Variants in LDAF1 observed in about 807,000 individuals in gnomAD.
LDAF1 encodes lipid droplet assembly factor 1, also known as PROMETHIN.
A neutral mutation model predicts 13.5 loss-of-function variants in LDAF1; 7 were observed. That is an observed-to-expected ratio of 0.52 (90% CI 0.29 to 0.97). LDAF1 has a LOEUF of 0.97. Ranked by LOEUF, LDAF1 falls within the 50% of genes least tolerant of loss-of-function variation. The pLI, the probability that LDAF1 is intolerant of heterozygous loss-of-function variation, is 0.07. For missense variants in LDAF1, 148 were observed against 193.2 expected (o/e 0.77, Z 1.39); for synonymous variants, 69 against 77.1 (o/e 0.89, Z 0.55).
At chr16:21,159,464 C>G (rs762098884) in intron 1 of LDAF1, 2 of 1,607,790 alleles carry the variant, frequency 1.2e-6, no homozygotes, top group South Asian at 1.1e-5. Context: ...GATGTGACCC[C>G]TCCTCCCAGC....
chr16:21,179,681 CACTT>C lies in LDAF1; in HGVS notation c.*130_*133del, dbSNP rs2087813997. 3 of 780,334 alleles carry C rather than the reference CACTT, an allele frequency of 3.8e-6. No individual in the cohort carries two copies. The highest frequency in any genetic ancestry group is 2.9e-5 in the Admixed American group (1 of 34,996). 48.3% of individuals were successfully genotyped at this position (780,334 alleles called of 1,614,324 possible). ...CCTTGGCTGTGTCCTCTCGCTTTTTCACTTACTTGTAGGATCCCGCAGCAGCCAA... is the reference window on the plus strand; with the variant it reads ...CCTTGGCTGTGTCCTCTCGCTTTTTCACTTGTAGGATCCCGCAGCAGCCAA... On this transcript the variant is annotated 3_prime_UTR_variant, in exon 5 of 5. Coordinates refer to ENST00000233047, the MANE Select transcript of LDAF1 (RefSeq NM_001301771.2).
chr16:21,178,453 T>A, intron 4 of LDAF1: 1 of 923,626 alleles, frequency 1.1e-6, no homozygotes, highest in Non-Finnish European at 1.3e-6. Context: ...AAGTAGATAC[T>A]AGTTTAAACA....
intron 2 of LDAF1, among the ~76,000 whole-genome samples, chr16:21,168,750 T>C (rs1419356744): frequency 1.5e-5 from 2 of 133,286 alleles, no homozygotes; most frequent in Admixed American, 7.8e-5. Flanking sequence ...TTTTATTTTA[T>C]ATATTATAAT....
Position 21,161,181 on chromosome 16 carries a change from G to GT in LDAF1, c.-2_-1insT, listed in dbSNP as rs1310076067. The GT allele has an allele frequency of 6.2e-7, 1 of 1,614,018 alleles. No individual in the cohort carries two copies. Among genetic ancestry groups the GT allele is most frequent in the East Asian group, 2.2e-5 (1 of 44,906 alleles). ...CCTAAAGAGATTGAAGTGAGCTTCAGAATGGCAAAAGAGGAGCCCCAGAGT... is the reference window on the plus strand; with the variant it reads ...CCTAAAGAGATTGAAGTGAGCTTCAGTAATGGCAAAAGAGGAGCCCCAGAGT... On this transcript the variant is annotated 5_prime_UTR_variant, in exon 2 of 5. Coordinates refer to ENST00000233047, the MANE Select transcript of LDAF1 (RefSeq NM_001301771.2).
chr16:21,172,954 C>T (rs1288821233), intron 3 of LDAF1: 5 of 408,960 alleles, frequency 1.2e-5, no homozygotes, highest in Non-Finnish European at 1.7e-5. Context: ...GTCAGCCATA[C>T]AATACTTGCC....
chr16:21,168,653 T>C (rs1017171962), intron 2 of LDAF1, among the ~76,000 whole-genome samples: 1 of 140,526 alleles, frequency 7.1e-6, no homozygotes, highest in Non-Finnish European at 1.5e-5. Flanking sequence ...AATATAATTA[T>C]ACAATATTAT....
chr16:21,166,928 T>A, intron 2 of LDAF1: 1 of 1,534,722 alleles, frequency 6.5e-7, no homozygotes, highest in Non-Finnish European at 8.7e-7. Context: ...CCTGCTACAG[T>A]CATCTCTGGC....
At chr16:21,179,349 C>A in intron 4 of LDAF1, 126 bp from the exon 5 acceptor site, 1 of 1,573,262 alleles carries the variant, frequency 6.4e-7, no homozygotes, top group Non-Finnish European at 8.6e-7. Context: ...GGACATAGGC[C>A]TGGTGTGGTT....
At chr16:21,169,696 T>C (rs1030647012) in intron 2 of LDAF1, among the ~76,000 whole-genome samples, 1 of 152,208 alleles carries the variant, frequency 6.6e-6, no homozygotes, top group African/African-American at 2.4e-5. Flanking sequence ...GAACCTCAGC[T>C]GTAAAGTAGG....
chr16:21,167,696 G>GTTTTTTTTGT (rs1555584383), intron 2 of LDAF1, among the ~76,000 whole-genome samples: 1 of 89,092 alleles, frequency 1.1e-5, no homozygotes, highest in East Asian at 4.0e-4. Context: ...CCTTAGGTTT[G>GTTTTTTTTGT]TTTTTTTTTT....
chr16:21,159,262 A>C, intron 1 of LDAF1: 1 of 1,377,876 alleles, frequency 7.3e-7, no homozygotes, highest in Non-Finnish European at 1.0e-6. Context: ...TAAGTACTCG[A>C]CTCCCCTCTG....
At chr16:21,164,321 G>C (rs551092066) in intron 2 of LDAF1, among the ~76,000 whole-genome samples, 5 of 152,146 alleles carry the variant, frequency 3.3e-5, no homozygotes, top group South Asian at 2.1e-4. Context: ...ATGGCTTACT[G>C]TAGCCTCGAA....
chr16:21,168,952 T>C, intron 2 of LDAF1, among the ~76,000 whole-genome samples: 1 of 119,018 alleles, frequency 8.4e-6, no homozygotes, highest in South Asian at 3.1e-4. Context: ...ATTTATAGTA[T>C]ATATAATATA....
chr16:21,178,317 A>C (rs2093157137), intron 4 of LDAF1: 1 of 985,222 alleles, frequency 1.0e-6, no homozygotes, highest in South Asian at 4.7e-5. Context: ...CCCATATCAT[A>C]ATCTTCCAAA....
chr16:21,165,395 A>AGT (rs2093014093), intron 2 of LDAF1, among the ~76,000 whole-genome samples: 1 of 152,218 alleles, frequency 6.6e-6, no homozygotes, highest in Non-Finnish European at 1.5e-5. Context: ...TGGGCAATAG[A>AGT]GTGAGATTCC....
At chr16:21,163,992 G>A (rs2093001245) in intron 2 of LDAF1, among the ~76,000 whole-genome samples, 1 of 152,066 alleles carries the variant, frequency 6.6e-6, no homozygotes, top group Non-Finnish European at 1.5e-5. Flanking sequence ...GTGAGCCACC[G>A]CACCTGGCCA....
At chr16:21,168,999 TTATTA>T (rs979558153) in intron 2 of LDAF1, among the ~76,000 whole-genome samples, 44 of 141,916 alleles carry the variant, frequency 3.1e-4, no homozygotes, top group Middle Eastern at 3.7e-3. Context: ...ACATATATAA[TTATTA>T]TATTATAATT....
chr16:21,174,171 A>C, intron 4 of LDAF1, 23 bp downstream of exon 4: 2 of 1,587,598 alleles, frequency 1.3e-6, no homozygotes, highest in Non-Finnish European at 1.7e-6. Context: ...CCATGAAATA[A>C]TTTATTTTTT....
At chr16:21,160,794 T>C (rs917440205) in intron 1 of LDAF1, among the ~76,000 whole-genome samples, 4 of 152,232 alleles carry the variant, frequency 2.6e-5, no homozygotes, top group Non-Finnish European at 5.9e-5. Flanking sequence ...AATTTTCTCC[T>C]AATGGAAATA....
Sources: gnomAD v4.1 joint callset for allele counts (sites outside exome capture counted in the v4.1 genomes callset) on GRCh38, gnomAD v4.1.1 for gene constraint, MANE v1.5 for transcripts, NCBI Gene and HGNC (gene_info 2026-07-23, HGNC 2026-07-21) for gene names.